PSMA8: variants seen among roughly 807,000 people sequenced by gnomAD.
The protein encoded by PSMA8 is proteasome subunit alpha-type 8.
In PSMA8, 18 loss-of-function variants were observed where a neutral mutation model predicts 32.4. The ratio of observed to expected loss-of-function variants is 0.56; its 90% confidence interval spans 0.38 to 0.82. The LOEUF (loss-of-function observed/expected upper bound fraction) is 0.82, where lower values mean the gene tolerates loss of function less well. Among genes scored for constraint, PSMA8 ranks in the 40% least tolerant of loss-of-function variants. The probability of loss-of-function intolerance (pLI) is 0.00; values close to 1 mark genes in which losing one functional copy is unlikely to be tolerated. For missense variants in PSMA8, 298 were observed against 300.7 expected, an observed-to-expected ratio of 0.99 and a Z score of 0.07; for synonymous variants, 104 against 98.1, an observed-to-expected ratio of 1.06 and a Z score of -0.36.
chr18:26,192,393 A>G lies in PSMA8; in HGVS notation c.735A>G (p.Lys245=). 6.5e-7 allele frequency: 1 copy of G among 1,533,356 alleles called. No homozygotes were observed. Among genetic ancestry groups the G allele is most frequent in the East Asian group, 2.5e-5 (1 of 39,954 alleles). 95.0% of individuals were successfully genotyped at this position (1,533,356 alleles called of 1,614,324 possible). ...EKEKEEAEKK[K]SKKSV Reference sequence around the variant, plus strand: ...AAAAGGAAGAAGCAGAGAAGAAAAAATCAAAGAAATCTGTCTAATTCTTAG... The same window carrying G: ...AAAAGGAAGAAGCAGAGAAGAAAAAGTCAAAGAAATCTGTCTAATTCTTAG... The change falls in exon 7 of 7, where the codon AAA becomes AAG. Residue 245 remains lysine (K), a synonymous_variant. Coordinates refer to ENST00000415576, the MANE Select transcript of PSMA8 (RefSeq NM_001025096.2).
intron 4 of PSMA8, among the ~76,000 whole-genome samples, chr18:26,173,790 A>G (rs933004779): frequency 3.9e-5 from 6 of 152,124 alleles, no homozygotes; most frequent in African/African-American, 1.4e-4. Flanking sequence ...TCCTGACCTC[A>G]GGTGATCCAC....
intron 4 of PSMA8, among the ~76,000 whole-genome samples, chr18:26,176,890 G>A (rs947011412): frequency 6.6e-6 from 1 of 152,042 alleles, no homozygotes; most frequent in Non-Finnish European, 1.5e-5. Flanking sequence ...ACGAAATCAC[G>A]CCATTGCACT....
At chr18:26,186,248 CAAAAAAAAAAA>C (rs534639436) in intron 6 of PSMA8, among the ~76,000 whole-genome samples, 28 of 27,842 alleles carry the variant, frequency 1.0e-3, no homozygotes, top group Admixed American at 2.3e-3. Context: ...GACTCTGTCT[CAAAAAAAAAAA>C]AAAAAAAAAA....
At chr18:26,189,436 G>A (rs948623910) in intron 6 of PSMA8, among the ~76,000 whole-genome samples, 6 of 152,276 alleles carry the variant, frequency 3.9e-5, no homozygotes, top group Middle Eastern at 3.4e-3. Context: ...GGGAAGCTGA[G>A]GTGGGAGGAT....
intron 1 of PSMA8, among the ~76,000 whole-genome samples, chr18:26,137,607 A>T (rs1044051778): frequency 1.3e-5 from 2 of 152,154 alleles, no homozygotes; most frequent in African/African-American, 4.8e-5. Flanking sequence ...TCTTTTTTTT[A>T]AATTTTGTCT....
chr18:26,158,795 C>T (rs2055111526), intron 4 of PSMA8, among the ~76,000 whole-genome samples: 1 of 152,072 alleles, frequency 6.6e-6, no homozygotes, highest in South Asian at 2.1e-4. Context: ...TTTAATGGTG[C>T]ACTCAAATCC....
chr18:26,190,655 G>A (rs563388882), intron 6 of PSMA8, among the ~76,000 whole-genome samples: 2 of 152,110 alleles, frequency 1.3e-5, no homozygotes, highest in African/African-American at 2.4e-5. Context: ...TTGCTGAGGC[G>A]GTAGGATGGC....
At chr18:26,173,848 G>A (rs1380609810) in intron 4 of PSMA8, among the ~76,000 whole-genome samples, 1 of 151,970 alleles carries the variant, frequency 6.6e-6, no homozygotes, top group Non-Finnish European at 1.5e-5. Context: ...GAGCCATCAC[G>A]CCCGGCCTTT....
chr18:26,176,113 G>A (rs952748985), intron 4 of PSMA8, among the ~76,000 whole-genome samples: 1 of 152,154 alleles, frequency 6.6e-6, no homozygotes, highest in Non-Finnish European at 1.5e-5. Flanking sequence ...GAAGTGGACT[G>A]GGGTGGGTGA....
intron 6 of PSMA8, among the ~76,000 whole-genome samples, chr18:26,183,883 C>G (rs2055332371): frequency 6.6e-6 from 1 of 150,660 alleles, no homozygotes; most frequent in Non-Finnish European, 1.5e-5. Flanking sequence ...GAAATTCCCA[C>G]AGCCACTTCA....
At chr18:26,162,876 T>C (rs1280491347) in intron 4 of PSMA8, among the ~76,000 whole-genome samples, 1 of 151,380 alleles carries the variant, frequency 6.6e-6, no homozygotes, top group Non-Finnish European at 1.5e-5. Flanking sequence ...AAAAATGAAA[T>C]AAAATAAAAT....
intron 4 of PSMA8, among the ~76,000 whole-genome samples, chr18:26,164,803 C>G (rs76179935): frequency 0.015 from 2,312 of 152,070 alleles, 62 homozygotes; most frequent in African/African-American, 0.053. Flanking sequence ...AATGTTGTGT[C>G]TGTTTTAAAT....
intron 1 of PSMA8, among the ~76,000 whole-genome samples, chr18:26,137,631 C>G (rs2054923393): frequency 6.6e-6 from 1 of 152,074 alleles, no homozygotes; most frequent in Admixed American, 6.5e-5. Context: ...GTGCTTCTCA[C>G]ACATTCATTT....
Position 26,140,253 on chromosome 18 carries a change from A to G in PSMA8, c.103-4306A>G, listed in dbSNP as rs1423776565. On this transcript the variant is annotated intron_variant, in intron 1 of 6. Transcript: ENST00000415576. ...AGCAGGCAGGCTGGCTTGGCACCAC[A>G]GGTGCCAGCCTTGTACCAGGGCTCA... 1.4e-5 allele frequency: 9 copies of G among 653,384 alleles called. No homozygotes were observed. The African/African-American group carries it at 1.6e-4, about 12-fold the overall frequency. The allele number at this position is 653,384 out of a possible 1,614,324, so 40.5% of individuals were successfully genotyped here. A position where few individuals can be genotyped will look rare whatever the true frequency, so the allele number is the denominator to read the frequency against.
chr18:26,165,433 T>G (rs2055170455), intron 4 of PSMA8, among the ~76,000 whole-genome samples: 1 of 152,188 alleles, frequency 6.6e-6, no homozygotes, highest in Non-Finnish European at 1.5e-5. Flanking sequence ...ACACTTTTCG[T>G]AAGTTTAAAT....
At chr18:26,134,997 A>C (rs1174229055) in intron 1 of PSMA8, among the ~76,000 whole-genome samples, 1 of 151,922 alleles carries the variant, frequency 6.6e-6, no homozygotes, top group Non-Finnish European at 1.5e-5. Context: ...AATATTTCCC[A>C]GCCTTGTAGA....
chr18:26,178,048 T>TA (rs905588730), intron 4 of PSMA8, among the ~76,000 whole-genome samples: 3 of 151,402 alleles, frequency 2.0e-5, no homozygotes, highest in Non-Finnish European at 4.4e-5. Context: ...ACCCTATCTC[T>TA]AAAAAAAATT....
chr18:26,141,721 T>C (rs9967426), intron 1 of PSMA8, among the ~76,000 whole-genome samples: 2 of 146,860 alleles, frequency 1.4e-5, no homozygotes, highest in East Asian at 1.9e-4. Flanking sequence ...TTCTTTTTTT[T>C]TTTTTTTTTT....
chr18:26,156,273 C>A (rs1341765829), intron 3 of PSMA8, among the ~76,000 whole-genome samples: 1 of 152,126 alleles, frequency 6.6e-6, no homozygotes, highest in Non-Finnish European at 1.5e-5. Context: ...AGAAGTAGAA[C>A]TATCCTCTAA....
Sources: allele counts gnomAD v4.1 joint callset (sites outside exome capture counted in the v4.1 genomes callset), GRCh38; gene constraint gnomAD v4.1.1; transcripts MANE v1.5; gene names NCBI Gene and HGNC (gene_info 2026-07-23, HGNC 2026-07-21).